SPINT2: variants seen among roughly 807,000 people sequenced by gnomAD.
SPINT2 encodes the protein serine peptidase inhibitor, Kunitz type 2.
In SPINT2, 18 loss-of-function variants were observed where a neutral mutation model predicts 30.1. The ratio of observed to expected loss-of-function variants is 0.60; its 90% CI spans 0.41 to 0.89. The LOEUF (loss-of-function observed/expected upper bound fraction) is 0.89, where lower values mean the gene tolerates loss of function less well. Among genes scored for constraint, SPINT2 ranks in the 40% least tolerant of loss-of-function variants. The pLI is 0.00. For missense variants in SPINT2, 276 were observed against 334.3 expected, an observed-to-expected ratio of 0.83 and a Z score of 1.36; for synonymous variants, 139 against 137.9, an observed-to-expected ratio of 1.01 and a Z score of -0.05.
At chr19:38,272,603 C>T (rs891481836) in intron 1 of SPINT2, among the ~76,000 whole-genome samples, 4 of 152,060 alleles carry the variant, frequency 2.6e-5, no homozygotes, top group Non-Finnish European at 4.4e-5. Flanking sequence ...ATGGACTGCT[C>T]GGGTTCTTGT....
At chr19:38,275,946 C>T (rs568976026) in intron 1 of SPINT2, among the ~76,000 whole-genome samples, 1 of 134,772 alleles carries the variant, frequency 7.4e-6, no homozygotes, top group South Asian at 2.5e-4. Flanking sequence ...AGGCTGGTCT[C>T]GAACTCCTGA....
Position 38,290,800 on chromosome 19 carries a change from G to A in SPINT2, c.592+225G>A, listed in dbSNP as rs1357595609. 12 of 651,728 alleles carry A rather than the reference G, an allele frequency of 1.8e-5. No individual in the cohort carries two copies. Among genetic ancestry groups the A allele is most frequent in the African/African-American group, 3.6e-5 (2 of 55,874 alleles). The allele number at this position is 651,728 out of a possible 1,614,324, so 40.4% of individuals were successfully genotyped here. ...GTCACAAGGCAGGCCCTGCCCAGGC[G>A]GCGTGGGTGACTGGGGATGAGGTCT... On this transcript the variant is annotated intron_variant, in intron 6 of 6. Coordinates refer to ENST00000301244, the MANE Select transcript of SPINT2 (RefSeq NM_021102.4). This position sits in a 1 kb window ranked among gnomAD's most constrained non-coding sequence, Gnocchi z 4.3.
chr19:38,264,880 G>C lies in SPINT2; in HGVS notation c.-13G>C. 4 of 1,533,206 alleles carry C rather than the reference G, an allele frequency of 2.6e-6. No homozygotes were observed. The South Asian group carries it at 4.8e-5, about 18-fold the overall frequency. The allele number at this position is 1,533,206 out of a possible 1,614,324, so 95.0% of individuals were successfully genotyped here. A position where few individuals can be genotyped will look rare whatever the true frequency, so the allele number is the denominator to read the frequency against. On this transcript the variant is annotated 5_prime_UTR_variant, in exon 1 of 7. Transcript: ENST00000301244. Reference sequence around the variant, plus strand: ...GCTGGTGGCGTCGCCTGCGCGTCTCGGCTGAGCTGGCCATGGCGCAGCTGT... The same window carrying C: ...GCTGGTGGCGTCGCCTGCGCGTCTCCGCTGAGCTGGCCATGGCGCAGCTGT...
intron 1 of SPINT2, among the ~76,000 whole-genome samples, chr19:38,276,005 G>A (rs1392796098): frequency 6.6e-6 from 1 of 152,122 alleles, no homozygotes; most frequent in Non-Finnish European, 1.5e-5. Flanking sequence ...GGGATTACAG[G>A]TGTGAGCCAC....
At position 38,264,577 on chromosome 19, in the gene SPINT2, T is replaced by C; in HGVS notation, c.-316T>C. On this transcript the variant is annotated 5_prime_UTR_variant, in exon 1 of 7. Transcript: ENST00000301244. Reference sequence around the variant, plus strand: ...AGCCGCTTCCAATAGGCGTTCGCCATTGGCTCTGGCGACCTCCGCGCGTTG... The same window carrying C: ...AGCCGCTTCCAATAGGCGTTCGCCACTGGCTCTGGCGACCTCCGCGCGTTG... 1 of 273,616 alleles carries C rather than the reference T, an allele frequency of 3.7e-6. No homozygotes were observed. Among genetic ancestry groups the C allele is most frequent in the Non-Finnish European group, 7.1e-6 (1 of 141,112 alleles). The allele number at this position is 273,616 out of a possible 1,614,324, so 16.9% of individuals were successfully genotyped here. A position where few individuals can be genotyped will look rare whatever the true frequency, so the allele number is the denominator to read the frequency against.
intron 1 of SPINT2, among the ~76,000 whole-genome samples, chr19:38,274,831 A>G (rs1459651758): frequency 6.6e-6 from 1 of 151,230 alleles, no homozygotes; most frequent in African/African-American, 2.4e-5. Flanking sequence ...AAAAAAACAT[A>G]AAATGGAGAG....
chr19:38,268,766 C>CGCGCGTGTGTGTGTGTGTGTGT (rs375982086), intron 1 of SPINT2, among the ~76,000 whole-genome samples: 24 of 149,818 alleles, frequency 1.6e-4, no homozygotes, highest in East Asian at 4.0e-4. Flanking sequence ...TGCGCGCGCG[C>CGCGCGTGTGTGTGTGTGTGTGT]GTGTGTGTGT....
chr19:38,288,880 A>G (rs1968675465), intron 3 of SPINT2: 4 of 503,890 alleles, frequency 7.9e-6, no homozygotes, highest in Non-Finnish European at 1.4e-5. Context: ...TGTTCCCTAT[A>G]ATATTAGGAG....
intron 1 of SPINT2, among the ~76,000 whole-genome samples, chr19:38,275,127 C>T (rs1476573613): frequency 6.6e-6 from 1 of 152,172 alleles, no homozygotes; most frequent in African/African-American, 2.4e-5. Flanking sequence ...ATGATGCTTG[C>T]TCTGTATCGT....
At chr19:38,278,198 A>G (rs2146271393) in intron 1 of SPINT2, among the ~76,000 whole-genome samples, 1 of 152,288 alleles carries the variant, frequency 6.6e-6, no homozygotes, top group South Asian at 2.1e-4. Context: ...GAGGCCTGGC[A>G]GAGGGCCTGG....
At chr19:38,268,448 G>T (rs904925723) in intron 1 of SPINT2, among the ~76,000 whole-genome samples, 1 of 152,184 alleles carries the variant, frequency 6.6e-6, no homozygotes, top group Admixed American at 6.5e-5. Flanking sequence ...TTTTTTAAAC[G>T]TAAAAATGTA....
At chr19:38,271,992 G>A (rs946301295) in intron 1 of SPINT2, among the ~76,000 whole-genome samples, 2 of 151,994 alleles carry the variant, frequency 1.3e-5, no homozygotes, top group Non-Finnish European at 2.9e-5. Flanking sequence ...TGTAATCCCA[G>A]CACTTTGGGG....
At chr19:38,277,961 C>T (rs1328245817) in intron 1 of SPINT2, among the ~76,000 whole-genome samples, 1 of 152,144 alleles carries the variant, frequency 6.6e-6, no homozygotes, top group African/African-American at 2.4e-5. Context: ...CTTAATTTTG[C>T]CCTACCATTT....
chr19:38,286,136 C>T (rs936757083), intron 2 of SPINT2, among the ~76,000 whole-genome samples: 1 of 152,206 alleles, frequency 6.6e-6, no homozygotes, highest in Non-Finnish European at 1.5e-5. Context: ...GAGCTAAACA[C>T]TGCCAGGGCT....
Position 38,264,798 on chromosome 19 carries a change from G to C in SPINT2, c.-95G>C. 4 of 1,320,724 alleles carry C rather than the reference G, an allele frequency of 3.0e-6. No homozygotes were observed. Among genetic ancestry groups the C allele is most frequent in the South Asian group, 2.6e-5 (2 of 77,618 alleles). 81.8% of individuals were successfully genotyped at this position (1,320,724 alleles called of 1,614,324 possible). A position where few individuals can be genotyped will look rare whatever the true frequency, so the allele number is the denominator to read the frequency against. ...GAGCGTCGGCACCTGAACGCGAGGC[G>C]CTCCATTGCGCGTGCGCGTTGAGGG... is the stretch of plus-strand genomic sequence containing the variant. On this transcript the variant is annotated 5_prime_UTR_variant, in exon 1 of 7. Transcript: ENST00000301244.
intron 1 of SPINT2, among the ~76,000 whole-genome samples, chr19:38,271,365 G>GC (rs1484321486): frequency 6.6e-6 from 1 of 151,920 alleles, no homozygotes; most frequent in Non-Finnish European, 1.5e-5. Context: ...GGTGGCGGGC[G>GC]CCTATAGTCC....
chr19:38,288,348 C>T (rs1002656914), intron 3 of SPINT2: 6 of 338,234 alleles, frequency 1.8e-5, no homozygotes, highest in Non-Finnish European at 2.9e-5. Flanking sequence ...TCCCCTGCCC[C>T]GTGGGCATCC....
At chr19:38,289,484 CAAAAAAAAA>C (rs58140440) in intron 4 of SPINT2, 52 of 36,052 alleles carry the variant, frequency 1.4e-3, no homozygotes, top group Middle Eastern at 0.023. Flanking sequence ...GACTCTGTCT[CAAAAAAAAA>C]AAAAAAAAAA....
At position 38,290,341 on chromosome 19, in the gene SPINT2, C is replaced by T. The variant is rs771711583; in HGVS notation, c.553+61C>T. Reference sequence around the variant, plus strand: ...CCTTGAGGACCCCGGTCCATCTCCCCATCCCTAAAATATGAAGGCCTTGGA... The same window carrying T: ...CCTTGAGGACCCCGGTCCATCTCCCTATCCCTAAAATATGAAGGCCTTGGA... On this transcript the variant is annotated intron_variant, in intron 5 of 6. Transcript: ENST00000301244. The surrounding 1 kb of genome is among the most constrained non-coding windows in gnomAD (Gnocchi z 4.3). 1.7e-5 allele frequency: 27 copies of T among 1,592,078 alleles called. No individual in the cohort carries two copies. The highest frequency in any genetic ancestry group is 2.1e-5 in the Non-Finnish European group (24 of 1,169,830).
Sources: allele counts gnomAD v4.1 joint callset (sites outside exome capture counted in the v4.1 genomes callset), GRCh38; gene constraint gnomAD v4.1.1; non-coding constraint Gnocchi (gnomAD v3.1); transcripts MANE v1.5; gene names NCBI Gene and HGNC (gene_info 2026-07-23, HGNC 2026-07-21).